The following PRKAG2 variants were observed in gnomAD, a reference collection of about 807,000 sequenced individuals.
The protein encoded by PRKAG2 is protein kinase AMP-activated non-catalytic subunit gamma 2.
Under a neutral mutation model 69.6 loss-of-function variants are expected in PRKAG2, and 26 were observed. That is an observed-to-expected ratio of 0.37 (90% CI 0.27 to 0.52). The LOEUF is 0.52. PRKAG2 is among the 20% of genes least tolerant of loss of function. The probability of loss-of-function intolerance (pLI) is 0.90; values close to 1 mark genes in which losing one functional copy is unlikely to be tolerated. For missense variants in PRKAG2, 557 were observed against 740.0 expected (o/e 0.75, Z 2.87); for synonymous variants, 293 against 285.0 (o/e 1.03, Z -0.28).
At chr7:151,867,361 A>G (rs1431600210) in intron 1 of PRKAG2, among the ~76,000 whole-genome samples, 1 of 152,166 alleles carries the variant, frequency 6.6e-6, no homozygotes, top group African/African-American at 2.4e-5. Context: ...GTGCTGTGAG[A>G]GCCACACGCC....
At chr7:151,610,381 C>CAAA (rs1818497480) in intron 5 of PRKAG2, among the ~76,000 whole-genome samples, 1 of 151,030 alleles carries the variant, frequency 6.6e-6, no homozygotes. Flanking sequence ...AACAAACAAA[C>CAAA]AAACATTTTA....
chr7:151,576,001 T>TG (rs1808841803), intron 7 of PRKAG2, among the ~76,000 whole-genome samples: 2 of 151,294 alleles, frequency 1.3e-5, no homozygotes, highest in South Asian at 4.2e-4. Flanking sequence ...TTTTTTTTTT[T>TG]GACAGGGTCT....
chr7:151,617,346 C>T (rs767393116), intron 5 of PRKAG2, among the ~76,000 whole-genome samples: 1 of 149,670 alleles, frequency 6.7e-6, no homozygotes, highest in Non-Finnish European at 1.5e-5. Context: ...AGCACCAAGG[C>T]GTCACTAGAC....
rs145803183 is a variant in PRKAG2 at position 151,605,974 on chromosome 7, G to A, written c.755-10520C>T. ...AAAAAAAAGAATTGCTTCAACCCAG[G>A]ACATGGAGGTTGCAGTGAGCTGAGA... is the stretch of plus-strand genomic sequence containing the variant. On this transcript the variant is annotated intron_variant, in intron 5 of 15. Coordinates refer to ENST00000287878, the MANE Select transcript of PRKAG2 (RefSeq NM_016203.4). 2.7e-3 allele frequency among the ~76,000 whole-genome samples: 403 copies of A among 150,788 alleles called. 1 individual carries two copies. Among genetic ancestry groups the A allele is most frequent in the African/African-American group, 9.5e-3 (386 of 40,602 alleles).
intron 3 of PRKAG2, among the ~76,000 whole-genome samples, chr7:151,729,658 C>T (rs1798602950): frequency 6.6e-6 from 1 of 152,174 alleles, no homozygotes; most frequent in Non-Finnish European, 1.5e-5. Flanking sequence ...CTGTGCCCAG[C>T]CTCAGCCTCA....
At chr7:151,673,281 T>G (rs1832362188) in intron 4 of PRKAG2, among the ~76,000 whole-genome samples, 1 of 152,170 alleles carries the variant, frequency 6.6e-6, no homozygotes, top group Non-Finnish European at 1.5e-5. Flanking sequence ...TAATCCATGA[T>G]CCCTAGTCAA....
rs1824933217 is a variant in PRKAG2 at position 151,632,575 on chromosome 7, C to G, written c.685-437G>C. 1 of 984,708 alleles carries G rather than the reference C, an allele frequency of 1.0e-6. No homozygotes were observed. Among genetic ancestry groups the G allele is most frequent in the Non-Finnish European group, 1.2e-6 (1 of 829,686 alleles). The allele number at this position is 984,708 out of a possible 1,614,324, so 61.0% of individuals were successfully genotyped here. On this transcript the variant is annotated intron_variant, in intron 4 of 15. Transcript: ENST00000287878. The surrounding 1 kb of genome is among the most constrained non-coding windows in gnomAD (Gnocchi z 4.2). ...CCGCCCCCCGGCGCCGCTCACCTTC[C>G]CAGCACCGGCGGCCGCGCTCGGCAG...
chr7:151,702,268 C>T (rs1365545950), intron 3 of PRKAG2, among the ~76,000 whole-genome samples: 1 of 152,246 alleles, frequency 6.6e-6, no homozygotes, highest in Admixed American at 6.5e-5. Context: ...GCATCTTCCA[C>T]ATCCTTTACA....
At chr7:151,680,951 A>G (rs1463028661) in intron 3 of PRKAG2, among the ~76,000 whole-genome samples, 2 of 152,202 alleles carry the variant, frequency 1.3e-5, no homozygotes, top group Admixed American at 6.5e-5. Flanking sequence ...AGGGATGTTC[A>G]CAGCCCATGA....
At chr7:151,650,615 T>A (rs1828333720) in intron 4 of PRKAG2, among the ~76,000 whole-genome samples, 1 of 152,188 alleles carries the variant, frequency 6.6e-6, no homozygotes, top group African/African-American at 2.4e-5. Flanking sequence ...AGGTGGAAAC[T>A]TTTTGTGCCA....
chr7:151,805,288 A>C (rs2078045228), intron 1 of PRKAG2, among the ~76,000 whole-genome samples: 1 of 152,156 alleles, frequency 6.6e-6, no homozygotes, highest in Non-Finnish European at 1.5e-5. Flanking sequence ...CAAGCCAGCC[A>C]CGTGGAGAGG....
At chr7:151,640,694 G>T (rs143995506) in intron 4 of PRKAG2, among the ~76,000 whole-genome samples, 1 of 150,648 alleles carries the variant, frequency 6.6e-6, no homozygotes, top group African/African-American at 2.5e-5. Context: ...CCCGATTCAC[G>T]ACCTTTTCTC....
intron 3 of PRKAG2, among the ~76,000 whole-genome samples, chr7:151,724,201 A>G (rs1586075413): frequency 6.6e-6 from 1 of 152,116 alleles, no homozygotes; most frequent in Admixed American, 6.5e-5. Context: ...AGTTCCCCCA[A>G]TAAAATCACC....
chr7:151,876,880 C>T lies in PRKAG2; in HGVS notation c.-260G>A, dbSNP rs2151920769. 1.8e-6 allele frequency: 1 copy of T among 558,712 alleles called. No homozygotes were observed. Among genetic ancestry groups the T allele is most frequent in the South Asian group, 2.0e-5 (1 of 49,114 alleles). 34.6% of individuals were successfully genotyped at this position (558,712 alleles called of 1,614,324 possible). A position where few individuals can be genotyped will look rare whatever the true frequency, so the allele number is the denominator to read the frequency against. ...AGCCCGTCCCGGTTCTGGTGTCTCCCCGGGTTACTCGTGGCTGAGGTCTCC... is the reference window on the plus strand; with the variant it reads ...AGCCCGTCCCGGTTCTGGTGTCTCCTCGGGTTACTCGTGGCTGAGGTCTCC... On this transcript the variant is annotated 5_prime_UTR_variant, in exon 1 of 16. Coordinates refer to ENST00000287878, the MANE Select transcript of PRKAG2 (RefSeq NM_016203.4).
At chr7:151,593,368 AT>A (rs1165395757) in intron 6 of PRKAG2, among the ~76,000 whole-genome samples, 1 of 152,034 alleles carries the variant, frequency 6.6e-6, no homozygotes, top group Non-Finnish European at 1.5e-5. Flanking sequence ...TAATTTTTGT[AT>A]TCTTAACAGA....
At chr7:151,866,601 T>C (rs1346437233) in intron 1 of PRKAG2, among the ~76,000 whole-genome samples, 1 of 152,146 alleles carries the variant, frequency 6.6e-6, no homozygotes, top group Non-Finnish European at 1.5e-5. Context: ...CCATCAAGCG[T>C]ATCTAGGTTG....
intron 1 of PRKAG2, among the ~76,000 whole-genome samples, chr7:151,816,155 C>T (rs187375769): frequency 3.9e-4 from 59 of 152,178 alleles, no homozygotes; most frequent in African/African-American, 1.3e-3. Context: ...GTTGGAAGTC[C>T]GTGGCTTTCT....
At chr7:151,624,450 G>A (rs1822365032) in intron 5 of PRKAG2, among the ~76,000 whole-genome samples, 1 of 152,006 alleles carries the variant, frequency 6.6e-6, no homozygotes, top group South Asian at 2.1e-4. Flanking sequence ...GCACCCGGCC[G>A]TGGCAGCATA....
intron 6 of PRKAG2, among the ~76,000 whole-genome samples, chr7:151,587,166 C>T (rs1811887698): frequency 6.6e-6 from 1 of 152,192 alleles, no homozygotes; most frequent in African/African-American, 2.4e-5. Flanking sequence ...GCTTGGCAAA[C>T]AGCCACTTAT....
Sources: gnomAD v4.1 joint callset for allele counts (sites outside exome capture counted in the v4.1 genomes callset) on GRCh38, gnomAD v4.1.1 for gene constraint, Gnocchi (gnomAD v3.1) non-coding constraint, MANE v1.5 for transcripts, NCBI Gene and HGNC (gene_info 2026-07-23, HGNC 2026-07-21) for gene names.